The following PBX1 variants were observed in gnomAD, a reference collection of about 807,000 sequenced individuals.
The protein encoded by PBX1 is pre-B-cell leukemia transcription factor 1.
In PBX1, 6 loss-of-function variants were observed where a neutral mutation model predicts 53.4. The observed-to-expected ratio is 0.11, with a 90% CI of 0.06 to 0.22. The LOEUF (loss-of-function observed/expected upper bound fraction) is 0.22, where lower values mean the gene tolerates loss of function less well. Ranked by LOEUF, PBX1 falls within the 10% of genes least tolerant of loss-of-function variation. The probability of loss-of-function intolerance (pLI) is 1.00; values close to 1 mark genes in which losing one functional copy is unlikely to be tolerated. For synonymous variants in PBX1, 204 were observed against 212.3 expected, an observed-to-expected ratio of 0.96 and a Z score of 0.34; for missense variants, 251 against 551.4, an observed-to-expected ratio of 0.46 and a Z score of 5.46.
rs1257410566 is a variant in PBX1, at chr1:164,795,052, T to TA, written c.510+2314_510+2315insA. Among the ~76,000 whole-genome samples, 829 of 152,328 alleles carry TA rather than the reference T, an allele frequency of 5.4e-3. 8 individuals are homozygous for TA. The highest frequency in any genetic ancestry group is 0.019 in the African/African-American group (781 of 41,554). ...ACAGCCATAGTACATTTTAATAGCATGTCACCAATTACAAAACACTGCGGC... is the reference window on the plus strand; with the variant it reads ...ACAGCCATAGTACATTTTAATAGCATAGTCACCAATTACAAAACACTGCGGC... On this transcript the variant is annotated intron_variant, in intron 3 of 8. Transcript: ENST00000420696.
At chr1:164,636,872 G>A (rs1028642091) in intron 2 of PBX1, among the ~76,000 whole-genome samples, 2 of 152,152 alleles carry the variant, frequency 1.3e-5, no homozygotes, top group Non-Finnish European at 2.9e-5. Flanking sequence ...TGGTTTGTGT[G>A]TGTTTATGTG....
chr1:164,638,875 G>A (rs1282589061), intron 2 of PBX1, among the ~76,000 whole-genome samples: 3 of 152,184 alleles, frequency 2.0e-5, no homozygotes, highest in Non-Finnish European at 4.4e-5. Flanking sequence ...GAAGCGTTTG[G>A]AACGGAATGC....
At chr1:164,594,861 T>A (rs1414587105) in intron 2 of PBX1, among the ~76,000 whole-genome samples, 3 of 152,272 alleles carry the variant, frequency 2.0e-5, no homozygotes, top group East Asian at 3.9e-4. Flanking sequence ...ACAGCACAGA[T>A]CTACTCCAAA....
intron 2 of PBX1, among the ~76,000 whole-genome samples, chr1:164,649,688 T>C (rs1181423874): frequency 6.6e-6 from 1 of 152,178 alleles, no homozygotes; most frequent in Non-Finnish European, 1.5e-5. Flanking sequence ...TAGCAAACTT[T>C]CAAGTTAGCT....
At chr1:164,874,373 A>G (rs1672454558) in intron 2 of PBX1, among the ~76,000 whole-genome samples, 2 of 152,284 alleles carry the variant, frequency 1.3e-5, no homozygotes, top group South Asian at 2.1e-4. Context: ...TATGTATTAG[A>G]TCATGTATGT....
intron 2 of PBX1, chr1:164,684,751 C>T (rs2102006115): frequency 6.6e-6 from 1 of 152,282 alleles, no homozygotes; most frequent in South Asian, 2.1e-4. Flanking sequence ...GAGACAGAGT[C>T]CTTATGTCAC....
chr1:164,700,648 C>A, intron 2 of PBX1: 1 of 985,230 alleles, frequency 1.0e-6, no homozygotes, highest in African/African-American at 1.7e-5. Context: ...TAAAGGTGAT[C>A]GTGTCAGGTG....
At chr1:164,640,562 T>G (rs1334750529) in intron 2 of PBX1, among the ~76,000 whole-genome samples, 15 of 148,580 alleles carry the variant, frequency 1.0e-4, no homozygotes, top group East Asian at 5.8e-4. Context: ...TTTTGTGTTT[T>G]TTTTTTTTTT....
At chr1:164,694,004 C>A (rs1447202837) in intron 2 of PBX1, among the ~76,000 whole-genome samples, 2 of 152,118 alleles carry the variant, frequency 1.3e-5, no homozygotes, top group African/African-American at 2.4e-5. Flanking sequence ...CTCCATGAAA[C>A]CTTTAGGATT....
chr1:164,821,801 G>T (rs570884014), intron 8 of PBX1, among the ~76,000 whole-genome samples, 175 bp downstream of exon 8: 7 of 152,294 alleles, frequency 4.6e-5, no homozygotes, highest in Non-Finnish European at 1.0e-4. Context: ...CACAAAAAAA[G>T]TGGCGATTGG....
At chr1:164,709,772 G>A (rs368691942) in intron 2 of PBX1, among the ~76,000 whole-genome samples, 3 of 152,188 alleles carry the variant, frequency 2.0e-5, no homozygotes, top group Admixed American at 6.5e-5. Context: ...CAGAATTTCC[G>A]TCATCTTTCC....
chr1:164,797,644 T>G lies in PBX1; in HGVS notation c.511-2055T>G, dbSNP rs540306845. The stretch of plus-strand genomic sequence containing the variant: ...GAGGTATTTATTACCACCTTTACTT[T>G]TACCAAGAGGGAAATTGAACTCTGG... On this transcript the variant is annotated intron_variant, in intron 3 of 8. Coordinates refer to ENST00000420696, the MANE Select transcript of PBX1 (RefSeq NM_002585.4). Among the ~76,000 whole-genome samples the G allele has an allele frequency of 5.3e-5, 8 of 152,298 alleles. No homozygotes were observed. The South Asian group carries it at 1.7e-3, about 32-fold the overall frequency.
chr1:164,710,398 G>T (rs1450441777), intron 2 of PBX1, among the ~76,000 whole-genome samples: 1 of 151,896 alleles, frequency 6.6e-6, no homozygotes, highest in African/African-American at 2.4e-5. Flanking sequence ...GAAGGTGCTG[G>T]TTTTTTTCTT....
At chr1:164,745,636 G>A (rs951385533) in intron 2 of PBX1, among the ~76,000 whole-genome samples, 2 of 152,176 alleles carry the variant, frequency 1.3e-5, no homozygotes, top group African/African-American at 4.8e-5. Flanking sequence ...ATAGTAATTA[G>A]TAATAAACCT....
intron 2 of PBX1, among the ~76,000 whole-genome samples, chr1:164,632,466 A>G (rs186743530): frequency 2.4e-4 from 36 of 152,320 alleles, no homozygotes; most frequent in African/African-American, 8.7e-4. Flanking sequence ...GGTTCACAGC[A>G]CAGCCTTTCT....
chr1:164,853,986 A>T, downstream of PBX1, among the ~76,000 whole-genome samples: 1 of 150,458 alleles, frequency 6.6e-6, no homozygotes, highest in African/African-American at 2.5e-5. Flanking sequence ...GCTCACTGCA[A>T]CCTCCACCTC....
At chr1:164,840,563 T>G (rs1337488422) in intron 8 of PBX1, among the ~76,000 whole-genome samples, 1 of 152,172 alleles carries the variant, frequency 6.6e-6, no homozygotes, top group Non-Finnish European at 1.5e-5. Flanking sequence ...CAGGATGGGT[T>G]GTCTTCTCCT....
chr1:164,637,139 C>T (rs1196396059), intron 2 of PBX1, among the ~76,000 whole-genome samples: 4 of 152,092 alleles, frequency 2.6e-5, no homozygotes, highest in African/African-American at 9.7e-5. Flanking sequence ...GAGGTTATCA[C>T]TTTGGATGAT....
At chr1:164,642,603 A>G (rs1160559895) in intron 2 of PBX1, 2 of 152,180 alleles carry the variant, frequency 1.3e-5, no homozygotes, top group African/African-American at 4.8e-5. Context: ...GTATGAATTT[A>G]TTTATTTGGT....
Sources: allele counts gnomAD v4.1 joint callset (sites outside exome capture counted in the v4.1 genomes callset), GRCh38; gene constraint gnomAD v4.1.1; transcripts MANE v1.5; gene names NCBI Gene and HGNC (gene_info 2026-07-23, HGNC 2026-07-21).